Variants in PTPN3 observed in about 807,000 individuals in gnomAD.
PTPN3 encodes tyrosine-protein phosphatase non-receptor type 3.
A neutral mutation model predicts 132.7 loss-of-function variants in PTPN3; 96 were observed. That is an observed-to-expected ratio of 0.72 (90% CI 0.61 to 0.86). The LOEUF is 0.86. Among genes scored for constraint, PTPN3 ranks in the 40% least tolerant of loss-of-function variants. The pLI is 0.00. For missense variants in PTPN3, 1,125 were observed against 1,159.6 expected (o/e 0.97, Z 0.43); for synonymous variants, 398 against 429.0 (o/e 0.93, Z 0.89).
At chr9:109,472,258 C>T (rs1163491413) in intron 1 of PTPN3, among the ~76,000 whole-genome samples, 1 of 152,174 alleles carries the variant, frequency 6.6e-6, no homozygotes, top group Non-Finnish European at 1.5e-5. Context: ...TTCACCAACA[C>T]CAATGCTTAA....
At chr9:109,476,782 G>A (rs939589621) in intron 1 of PTPN3, among the ~76,000 whole-genome samples, 1 of 152,194 alleles carries the variant, frequency 6.6e-6, no homozygotes. Context: ...TCTTAACGCA[G>A]CACAGGGCCT....
At chr9:109,531,771 TTCA>T in the PTPN3 span, among the ~76,000 whole-genome samples, 1 of 152,000 alleles carries the variant, frequency 6.6e-6, no homozygotes, top group Admixed American at 6.6e-5. Flanking sequence ...CTGGTACATC[TTCA>T]TCTCTGGATC....
At chr9:109,489,571 T>G (rs575365947) in intron 1 of PTPN3, among the ~76,000 whole-genome samples, 6 of 152,262 alleles carry the variant, frequency 3.9e-5, no homozygotes, top group African/African-American at 1.4e-4. Flanking sequence ...GGACCCCTTT[T>G]TATTCTCAAA....
intron 19 of PTPN3, among the ~76,000 whole-genome samples, chr9:109,396,218 T>A (rs1315863257): frequency 6.6e-6 from 1 of 152,166 alleles, no homozygotes; most frequent in African/African-American, 2.4e-5. Context: ...CTTGGCAGTC[T>A]GGTTATGAAA....
intron 1 of PTPN3, among the ~76,000 whole-genome samples, chr9:109,475,829 C>T (rs1038703809): frequency 1.3e-5 from 2 of 152,212 alleles, no homozygotes; most frequent in African/African-American, 2.4e-5. Flanking sequence ...ATCTCACAAC[C>T]GGACCATCCT....
the PTPN3 span, among the ~76,000 whole-genome samples, chr9:109,533,168 C>T: frequency 4.5e-5 from 4 of 89,698 alleles, no homozygotes; most frequent in African/African-American, 8.9e-5. Context: ...GACGGAGTCT[C>T]GCTCTGTCGC....
Position 109,376,443 on chromosome 9 carries a change from A to G in PTPN3, c.*3113T>C, listed in dbSNP as rs1222992097. ...CTAAAAGCATATTTAAATATGAATT[A>G]CTGTGGTAGGAAACGAAAGACAACT... is the stretch of plus-strand genomic sequence containing the variant. On this transcript the variant is annotated 3_prime_UTR_variant, in exon 26 of 26. Coordinates refer to ENST00000374541, the MANE Select transcript of PTPN3 (RefSeq NM_002829.4). 2.0e-5 allele frequency: 3 copies of G among 152,222 alleles called. No homozygotes were observed. The highest frequency in any genetic ancestry group is 4.8e-5 in the African/African-American group (2 of 41,456). The allele number at this position is 152,222 out of a possible 1,614,324, so 9.4% of individuals were successfully genotyped here.
intron 14 of PTPN3, among the ~76,000 whole-genome samples, chr9:109,417,178 C>T (rs1383553614): frequency 2.0e-5 from 3 of 152,222 alleles, no homozygotes; most frequent in Admixed American, 1.3e-4. Context: ...AAGCAAACTG[C>T]CAAGGATTCA....
chr9:109,428,480 G>T, intron 11 of PTPN3, 141 bp downstream of exon 11: 1 of 784,596 alleles, frequency 1.3e-6, no homozygotes, highest in Non-Finnish European at 2.0e-6. Flanking sequence ...GCAAAGTGGT[G>T]CATGTTTCTA....
At chr9:109,519,872 T>C in the PTPN3 span, among the ~76,000 whole-genome samples, 1 of 152,132 alleles carries the variant, frequency 6.6e-6, no homozygotes, top group Non-Finnish European at 1.5e-5. Context: ...GATTAAGAAA[T>C]GCATCCAAGG....
upstream of PTPN3, among the ~76,000 whole-genome samples, chr9:109,502,983 T>G (rs1008769119): frequency 2.0e-5 from 3 of 152,222 alleles, no homozygotes; most frequent in African/African-American, 7.2e-5. Flanking sequence ...CTTTTACAAA[T>G]TAGGAGAATT....
intron 1 of PTPN3, among the ~76,000 whole-genome samples, chr9:109,491,859 G>C (rs1211265570): frequency 1.3e-5 from 2 of 152,190 alleles, no homozygotes; most frequent in Non-Finnish European, 2.9e-5. Context: ...CATGAACATA[G>C]GGCCTGCAGG....
intron 19 of PTPN3, among the ~76,000 whole-genome samples, chr9:109,395,854 ATTTTTTTT>A (rs200143586): frequency 4.7e-5 from 5 of 106,116 alleles, no homozygotes; most frequent in African/African-American, 7.3e-5. Context: ...TCAAGTTCCT[ATTTTTTTT>A]TTTTTTTTTT....
At chr9:109,505,810 C>T in the PTPN3 span, among the ~76,000 whole-genome samples, 6 of 150,976 alleles carry the variant, frequency 4.0e-5, no homozygotes, top group Non-Finnish European at 5.9e-5. Context: ...AGTGCAGTGG[C>T]GTGATCTCGG....
At chr9:109,478,671 G>A (rs561859949) in intron 1 of PTPN3, among the ~76,000 whole-genome samples, 10 of 152,272 alleles carry the variant, frequency 6.6e-5, no homozygotes, top group South Asian at 2.1e-4. Context: ...GATGATTTGC[G>A]CAAAATCGCC....
intron 2 of PTPN3, among the ~76,000 whole-genome samples, chr9:109,459,495 G>A (rs1845728132): frequency 6.6e-6 from 1 of 152,222 alleles, no homozygotes; most frequent in Non-Finnish European, 1.5e-5. Flanking sequence ...CACGTGATAA[G>A]AACAATGACG....
intron 1 of PTPN3, among the ~76,000 whole-genome samples, chr9:109,480,354 G>A (rs545823017): frequency 1.3e-5 from 2 of 151,920 alleles, no homozygotes; most frequent in Non-Finnish European, 2.9e-5. Flanking sequence ...TTGTAGAGAC[G>A]GGGTTTCACC....
At chr9:109,491,323 T>A (rs1847452978) in intron 1 of PTPN3, among the ~76,000 whole-genome samples, 1 of 152,040 alleles carries the variant, frequency 6.6e-6, no homozygotes, top group Admixed American at 6.5e-5. Flanking sequence ...TTAGGAAATA[T>A]ATGTAGGGGG....
At chr9:109,518,554 G>A in the PTPN3 span, among the ~76,000 whole-genome samples, 8 of 152,162 alleles carry the variant, frequency 5.3e-5, no homozygotes, top group East Asian at 1.9e-4. Flanking sequence ...CCCAATCACC[G>A]TAATTAAGGC....
Sources: gnomAD v4.1 joint callset for allele counts (sites outside exome capture counted in the v4.1 genomes callset) on GRCh38, gnomAD v4.1.1 for gene constraint, MANE v1.5 for transcripts, NCBI Gene and HGNC (gene_info 2026-07-23, HGNC 2026-07-21) for gene names.